Variants in LATS2 observed in about 807,000 individuals in gnomAD.
LATS2 encodes the protein serine/threonine-protein kinase LATS2.
In LATS2, 24 loss-of-function variants were observed where a neutral mutation model predicts 76.0. The ratio of observed to expected loss-of-function variants is 0.32; its 90% CI spans 0.23 to 0.44. The LOEUF (loss-of-function observed/expected upper bound fraction) is 0.44, where lower values mean the gene tolerates loss of function less well. Among genes scored for constraint, LATS2 ranks in the 20% least tolerant of loss-of-function variants. The pLI is 1.00. For synonymous variants in LATS2, 692 were observed against 635.4 expected (o/e 1.09, Z -1.34); for missense variants, 1,286 against 1,481.2 (o/e 0.87, Z 2.16).
At chr13:20,980,123 T>A (rs1869805543) in intron 6 of LATS2, among the ~76,000 whole-genome samples, 1 of 152,174 alleles carries the variant, frequency 6.6e-6, no homozygotes, top group Admixed American at 6.5e-5. Flanking sequence ...AGGCACCAAT[T>A]AAAATAACAG....
At chr13:21,027,725 C>T (rs1176822605) in intron 2 of LATS2, among the ~76,000 whole-genome samples, 3 of 151,992 alleles carry the variant, frequency 2.0e-5, no homozygotes, top group Admixed American at 6.6e-5. Flanking sequence ...TAAAACATTG[C>T]TTTTGCTATT....
chr13:21,022,010 A>G (rs1872084198), intron 2 of LATS2, among the ~76,000 whole-genome samples: 1 of 152,126 alleles, frequency 6.6e-6, no homozygotes, highest in Non-Finnish European at 1.5e-5. Flanking sequence ...GACTGAACTG[A>G]AAGTATAGTG....
At chr13:20,977,845 G>A (rs12585222) in intron 7 of LATS2, among the ~76,000 whole-genome samples, 11,928 of 151,206 alleles carry the variant, frequency 0.079, 1,208 homozygotes, top group East Asian at 0.5. Flanking sequence ...CAATTAGGGC[G>A]CAGATAATGC....
At position 20,992,990 on chromosome 13, in the gene LATS2, C is replaced by T. The variant is rs572827347; in HGVS notation, c.343-1586G>A. On this transcript the variant is annotated intron_variant, in intron 2 of 7. Transcript: ENST00000382592. ...GGTGGAGGCTGCAGTGAGCCGAGAT[C>T]ACGCCACTGCACTCCAGCCTGGCGA... Among the ~76,000 whole-genome samples the T allele has an allele frequency of 4.2e-5, 6 of 144,362 alleles. No homozygotes were observed. In the South Asian group the frequency reaches 1.3e-3, roughly 31 times the overall value. 94.7% of individuals were successfully genotyped at this position (144,362 alleles called of 152,430 possible). A position where few individuals can be genotyped will look rare whatever the true frequency, so the allele number is the denominator to read the frequency against.
At chr13:21,058,564 G>A (rs1181683328) in intron 1 of LATS2, among the ~76,000 whole-genome samples, 1 of 152,188 alleles carries the variant, frequency 6.6e-6, no homozygotes, top group African/African-American at 2.4e-5. Flanking sequence ...GATTTGCTAA[G>A]GAACATGTAC....
chr13:21,037,314 G>T (rs1872713968), intron 2 of LATS2, among the ~76,000 whole-genome samples: 1 of 152,186 alleles, frequency 6.6e-6, no homozygotes, highest in South Asian at 2.1e-4. Context: ...TGACGGGGGA[G>T]AATCGCTTGA....
intron 2 of LATS2, among the ~76,000 whole-genome samples, chr13:21,032,573 T>C (rs1427993401): frequency 2.6e-5 from 4 of 152,182 alleles, no homozygotes; most frequent in Non-Finnish European, 5.9e-5. Context: ...GCCTTTTTTT[T>C]TCGTTCTTTT....
At chr13:21,048,921 C>A (rs1423262890) in intron 1 of LATS2, among the ~76,000 whole-genome samples, 3 of 152,204 alleles carry the variant, frequency 2.0e-5, no homozygotes, top group African/African-American at 7.2e-5. Flanking sequence ...AAAACAAAAT[C>A]TTGGCTTCAG....
rs1425517663 is a variant in LATS2, at chr13:21,007,590, A to G, written c.343-16186T>C. 2.8e-3 allele frequency among the ~76,000 whole-genome samples: 23 copies of G among 8,360 alleles called. 6 individuals carry two copies. Among genetic ancestry groups the G allele is most frequent in the African/African-American group, 0.018 (17 of 942 alleles). The allele number at this position is 8,360 out of a possible 152,430, so 5.5% of individuals were successfully genotyped here. A position where few individuals can be genotyped will look rare whatever the true frequency, so the allele number is the denominator to read the frequency against. On this transcript the variant is annotated intron_variant, in intron 2 of 7. Transcript: ENST00000382592. ...ATATATATATATATATATATATAGT[A>G]TATATATATATAGTGTGTATATATA...
intron 2 of LATS2, among the ~76,000 whole-genome samples, chr13:21,024,086 C>T (rs902691369): frequency 1.6e-5 from 2 of 123,992 alleles, no homozygotes; most frequent in Non-Finnish European, 3.2e-5. Flanking sequence ...TAAAGTGTCT[C>T]GCTGTGCAAA....
At chr13:21,034,313 T>C (rs1313979637) in intron 2 of LATS2, among the ~76,000 whole-genome samples, 1 of 152,130 alleles carries the variant, frequency 6.6e-6, no homozygotes, top group Non-Finnish European at 1.5e-5. Flanking sequence ...TTCCCTTTCT[T>C]CCTTACTGAC....
At position 20,988,343 on chromosome 13, in the gene LATS2, C is replaced by CGGGGCGGGGGCGGGGGCG. The variant is rs550642106; in HGVS notation, c.1419_1436dup (p.Pro475_Ala480dup). The CGGGGCGGGGGCGGGGGCG allele has an allele frequency of 6.5e-4, 840 of 1,298,562 alleles. 4 individuals carry two copies. Among genetic ancestry groups the CGGGGCGGGGGCGGGGGCG allele is most frequent in the Admixed American group, 2.2e-3 (61 of 27,624 alleles). The allele number at this position is 1,298,562 out of a possible 1,614,324, so 80.4% of individuals were successfully genotyped here. The stretch of plus-strand genomic sequence containing the variant: ...CCTTGGCGTCCAAGCCCTCCGCAGC[C>CGGGGCGGGGGCGGGGGCG]GGGGCGGGGGCGGGGGCGGGGGCCG... On this transcript the variant is annotated inframe_insertion, in exon 4 of 8. Coordinates refer to ENST00000382592, the MANE Select transcript of LATS2 (RefSeq NM_014572.3).
At chr13:21,033,677 A>G (rs1167938992) in intron 2 of LATS2, among the ~76,000 whole-genome samples, 1 of 147,986 alleles carries the variant, frequency 6.8e-6, no homozygotes, top group African/African-American at 2.5e-5. Flanking sequence ...ACTTGGCCAC[A>G]TTCTTGGGCC....
At position 20,988,712 on chromosome 13, in the gene LATS2, G is replaced by A. The variant is rs764275044; in HGVS notation, c.1068C>T (p.Asn356=). 13 of 1,566,664 alleles carry A rather than the reference G, an allele frequency of 8.3e-6. No homozygotes were observed. In the South Asian group the frequency reaches 1.4e-4, roughly 17 times the overall value. ...TGCTGCCCAATTCATACAGGTCCACGTTGAGGCTGTTCCGCGAGGGAGTGA... is the reference window on the plus strand; with the variant it reads ...TGCTGCCCAATTCATACAGGTCCACATTGAGGCTGTTCCGCGAGGGAGTGA... The part of the protein sequence containing the change: ...SLLTPSRNSL[N]VDLYELGSTS... The change falls in exon 4 of 8, where the codon AAC becomes AAT. Residue 356 remains asparagine (N), a synonymous_variant. Coordinates refer to ENST00000382592, the MANE Select transcript of LATS2 (RefSeq NM_014572.3).
chr13:20,984,838 A>C (rs1870071752), intron 4 of LATS2, among the ~76,000 whole-genome samples: 1 of 152,226 alleles, frequency 6.6e-6, no homozygotes, highest in African/African-American at 2.4e-5. Context: ...TAAAATTCAC[A>C]GGGAGCCCAA....
At chr13:21,000,008 AAAAAC>A (rs767716835) in intron 2 of LATS2, among the ~76,000 whole-genome samples, 1 of 152,100 alleles carries the variant, frequency 6.6e-6, no homozygotes, top group African/African-American at 2.4e-5. Context: ...AGTCTCCATC[AAAAAC>A]AAAACAAAAC....
intron 1 of LATS2, among the ~76,000 whole-genome samples, chr13:21,050,886 T>C (rs1307195719): frequency 6.6e-6 from 1 of 152,232 alleles, no homozygotes; most frequent in African/African-American, 2.4e-5. Flanking sequence ...TCTGGAGCCC[T>C]GTGGGCAAGA....
At chr13:21,059,817 T>C (rs1873568389) in intron 1 of LATS2, among the ~76,000 whole-genome samples, 1 of 151,558 alleles carries the variant, frequency 6.6e-6, no homozygotes, top group African/African-American at 2.4e-5. Context: ...AAATACAAAA[T>C]TAGCTGGGCT....
At chr13:20,992,829 G>T (rs1452943187) in intron 2 of LATS2, among the ~76,000 whole-genome samples, 4 of 152,110 alleles carry the variant, frequency 2.6e-5, no homozygotes, top group Admixed American at 1.3e-4. Context: ...GAGGTCAAGA[G>T]ATCGAGACCA....
Sources: gnomAD v4.1 joint callset for allele counts (sites outside exome capture counted in the v4.1 genomes callset) on GRCh38, gnomAD v4.1.1 for gene constraint, MANE v1.5 for transcripts, NCBI Gene and HGNC (gene_info 2026-07-23, HGNC 2026-07-21) for gene names.